TMX2: variants seen among roughly 807,000 people sequenced by gnomAD.
TMX2 encodes thioredoxin-related transmembrane protein 2.
Under a neutral mutation model 33.4 loss-of-function variants are expected in TMX2, and 20 were observed. The ratio of observed to expected loss-of-function variants is 0.60; its 90% confidence interval spans 0.42 to 0.87. The LOEUF is 0.87. Among genes scored for constraint, TMX2 ranks in the 40% least tolerant of loss-of-function variants. The pLI is 0.00. For synonymous variants in TMX2, 166 were observed against 140.7 expected (o/e 1.18, Z -1.27); for missense variants, 340 against 370.7 (o/e 0.92, Z 0.68).
chr11:57,714,618 A>G (rs182356263), intron 1 of TMX2, among the ~76,000 whole-genome samples: 6 of 152,016 alleles, frequency 3.9e-5, no homozygotes, highest in Non-Finnish European at 8.8e-5. Flanking sequence ...TTTTGAGACA[A>G]GGTCTTGCTC....
rs60802364 is a variant in TMX2, at chr11:57,734,157, C to CAAAA, written c.190-3424_190-3421dup. On this transcript the variant is annotated intron_variant, in intron 1 of 7. Transcript: ENST00000278422. ...CTGGGTGACAGAGAGACCCTGTCTC[C>CAAAA]AAAAAAAAAAAAAAAAAAAAAAAAA... 2.8e-3 allele frequency among the ~76,000 whole-genome samples: 140 copies of CAAAA among 49,768 alleles called. 5 individuals carry two copies. Among genetic ancestry groups the CAAAA allele is most frequent in the African/African-American group, 3.8e-3 (63 of 16,416 alleles). The allele number at this position is 49,768 out of a possible 152,430, so 32.6% of individuals were successfully genotyped here.
At chr11:57,720,085 T>C (rs1362918204) in intron 1 of TMX2, among the ~76,000 whole-genome samples, 1 of 149,346 alleles carries the variant, frequency 6.7e-6, no homozygotes, top group Admixed American at 6.7e-5. Flanking sequence ...GGTCAGAAGT[T>C]TAAAATCAGC....
At chr11:57,739,586 C>A (rs1352366468) in intron 7 of TMX2, among the ~76,000 whole-genome samples, 1 of 152,058 alleles carries the variant, frequency 6.6e-6, no homozygotes, top group African/African-American at 2.4e-5. Flanking sequence ...GGAGAAACCC[C>A]GTGTCTACTA....
At chr11:57,726,248 A>G (rs1374172878) in intron 1 of TMX2, among the ~76,000 whole-genome samples, 2 of 151,924 alleles carry the variant, frequency 1.3e-5, no homozygotes, top group Non-Finnish European at 2.9e-5. Flanking sequence ...CCCCATCTCT[A>G]CTAAAATACA....
At chr11:57,734,381 ACCATTTTCTGT>A (rs1485080212) in intron 1 of TMX2, among the ~76,000 whole-genome samples, 1 of 152,160 alleles carries the variant, frequency 6.6e-6, no homozygotes, top group Admixed American at 6.5e-5. Context: ...CCCTCCATAG[ACCATTTTCTGT>A]CCTTAGAGAA....
Position 57,739,163 on chromosome 11 carries a change from A to C in TMX2, c.647A>C (p.Gln216Pro). 1.9e-6 allele frequency: 3 copies of C among 1,614,108 alleles called. No individual in the cohort carries two copies. Among genetic ancestry groups the C allele is most frequent in the Non-Finnish European group, 2.5e-6 (3 of 1,180,030 alleles). Reference protein sequence around the residue: ...YKVSTSPLTKQLPTLILFQGG... With the variant: ...YKVSTSPLTKPLPTLILFQGG... ...GTGAGCACATCACCCCTCACCAAGCAACTCCCTACCCTGATCCTGTTCCAA... is the reference window on the plus strand; with the variant it reads ...GTGAGCACATCACCCCTCACCAAGCCACTCCCTACCCTGATCCTGTTCCAA... The change falls in exon 7 of 8, where the codon CAA (glutamine) becomes CCA (proline). Residue 216 changes from glutamine to proline, a missense_variant. Transcript: ENST00000278422.
rs1490165436 is a variant in TMX2 at position 57,740,879 on chromosome 11, A to G, written c.*634A>G. 1 of 152,258 alleles carries G rather than the reference A, an allele frequency of 6.6e-6. No individual in the cohort carries two copies. Among genetic ancestry groups the G allele is most frequent in the East Asian group, 1.9e-4 (1 of 5,196 alleles). 9.4% of individuals were successfully genotyped at this position (152,258 alleles called of 1,614,324 possible). A position where few individuals can be genotyped will look rare whatever the true frequency, so the allele number is the denominator to read the frequency against. ...CTTTCCTTTGTGTGGTAGGACTTGG[A>G]GGAGAAATCCCCTGGACTTTCACTA... On this transcript the variant is annotated 3_prime_UTR_variant, in exon 8 of 8. Transcript: ENST00000278422.
chr11:57,717,690 G>C (rs1429355950), intron 1 of TMX2, among the ~76,000 whole-genome samples: 1 of 132,008 alleles, frequency 7.6e-6, no homozygotes, highest in Non-Finnish European at 1.6e-5. Context: ...GAGGGAGACC[G>C]TGGAAAGAGA....
Position 57,737,626 on chromosome 11 carries a change from A to C in TMX2, c.208A>C (p.Met70Leu). 6.2e-7 allele frequency: 1 copy of C among 1,614,046 alleles called. No homozygotes were observed. The highest frequency in any genetic ancestry group is 8.5e-7 in the Non-Finnish European group (1 of 1,179,944). The change falls in exon 2 of 8, where the codon ATG becomes CTG. Residue 70 changes from methionine (M) to leucine (L), a missense_variant. Transcript: ENST00000278422. ...DFDWREVEIL[M>L]FLSAIVMMKN... ...GTTCCAGAGAGAAGTGGAGATCCTGATGTTTCTCAGTGCCATTGTGATGAT... is the reference window on the plus strand; with the variant it reads ...GTTCCAGAGAGAAGTGGAGATCCTGCTGTTTCTCAGTGCCATTGTGATGAT...
intron 1 of TMX2, among the ~76,000 whole-genome samples, chr11:57,713,078 G>A (rs528917997): frequency 6.6e-6 from 1 of 152,178 alleles, no homozygotes; most frequent in Non-Finnish European, 1.5e-5. Flanking sequence ...TCACCATTGA[G>A]ACTAATTAAC....
intron 1 of TMX2, among the ~76,000 whole-genome samples, chr11:57,716,608 T>C (rs1409203771): frequency 1.2e-3 from 85 of 68,732 alleles, no homozygotes; most frequent in South Asian, 2.9e-3. Context: ...GCTGGCCGGG[T>C]GGGGGGCTGA....
chr11:57,719,130 G>A (rs1947393969), intron 1 of TMX2, among the ~76,000 whole-genome samples: 1 of 147,064 alleles, frequency 6.8e-6, no homozygotes, highest in African/African-American at 2.5e-5. Flanking sequence ...CCATCTCCTG[G>A]GTTCAAGCGA....
intron 1 of TMX2, among the ~76,000 whole-genome samples, chr11:57,734,924 A>G (rs1314048045): frequency 1.3e-5 from 2 of 151,332 alleles, no homozygotes; most frequent in East Asian, 4.0e-4. Flanking sequence ...TCACAAGGCC[A>G]AGAGATCAAG....
At chr11:57,718,633 A>C in intron 1 of TMX2, 1 of 310,552 alleles carries the variant, frequency 3.2e-6, no homozygotes, top group Non-Finnish European at 5.9e-6. Context: ...CCATTCATTT[A>C]TTCTGAAATA....
chr11:57,728,279 C>T (rs1266078120), intron 1 of TMX2, among the ~76,000 whole-genome samples: 1 of 152,216 alleles, frequency 6.6e-6, no homozygotes, highest in East Asian at 1.9e-4. Flanking sequence ...TCTCCTGCCT[C>T]AGCCTCCCGA....
intron 1 of TMX2, among the ~76,000 whole-genome samples, chr11:57,732,920 C>G (rs1480733821): frequency 6.6e-6 from 1 of 152,150 alleles, no homozygotes; most frequent in Non-Finnish European, 1.5e-5. Context: ...AGTGTACTTA[C>G]ACAAACTTAG....
At chr11:57,731,141 T>TTG (rs1840685796) in intron 1 of TMX2, among the ~76,000 whole-genome samples, 1 of 140,368 alleles carries the variant, frequency 7.1e-6, no homozygotes, top group African/African-American at 2.6e-5. Flanking sequence ...TTTTTTTTTT[T>TTG]TTTTTTTTTT....
chr11:57,726,799 A>G (rs941646356), intron 1 of TMX2, among the ~76,000 whole-genome samples: 1 of 152,206 alleles, frequency 6.6e-6, no homozygotes, highest in Non-Finnish European at 1.5e-5. Context: ...TGCTATACCT[A>G]TGGAGATAAA....
intron 1 of TMX2, among the ~76,000 whole-genome samples, chr11:57,727,009 AC>A (rs1948048608): frequency 6.6e-6 from 1 of 152,098 alleles, no homozygotes; most frequent in Non-Finnish European, 1.5e-5. Flanking sequence ...TCTACCTATA[AC>A]CCTGAGTGCC....
Sources: gnomAD v4.1 joint callset for allele counts (sites outside exome capture counted in the v4.1 genomes callset) on GRCh38, gnomAD v4.1.1 for gene constraint, MANE v1.5 for transcripts, NCBI Gene and HGNC (gene_info 2026-07-23, HGNC 2026-07-21) for gene names.